The following GALNT13 variants were observed in gnomAD, a reference collection of about 807,000 sequenced individuals.
GALNT13 encodes polypeptide N-acetylgalactosaminyltransferase 13.
A neutral mutation model predicts 64.2 loss-of-function variants in GALNT13; 28 were observed. The observed-to-expected ratio is 0.44, with a 90% CI of 0.32 to 0.60. GALNT13 has a LOEUF of 0.60. GALNT13 is among the 20% of genes least tolerant of loss of function. The pLI, the probability that GALNT13 is intolerant of heterozygous loss-of-function variation, is 0.05. For missense variants in GALNT13, 577 were observed against 669.8 expected (o/e 0.86, Z 1.53); for synonymous variants, 214 against 224.6 (o/e 0.95, Z 0.42).
intron 9 of GALNT13, among the ~76,000 whole-genome samples, chr2:154,327,782 A>T (rs146471654): frequency 1.2e-3 from 176 of 152,216 alleles, no homozygotes; most frequent in African/African-American, 3.9e-3. Context: ...CTAACAATGT[A>T]CTCCTGTACA....
chr2:153,564,205 T>A, the GALNT13 span, among the ~76,000 whole-genome samples: 8 of 151,812 alleles, frequency 5.3e-5, no homozygotes, highest in East Asian at 1.9e-4. Flanking sequence ...TATATATATT[T>A]TTTTTACTAT....
the GALNT13 span, among the ~76,000 whole-genome samples, chr2:153,623,643 A>G: frequency 6.6e-6 from 1 of 152,070 alleles, no homozygotes; most frequent in African/African-American, 2.4e-5. Flanking sequence ...TATAATTATT[A>G]TGGGACTATT....
the GALNT13 span, among the ~76,000 whole-genome samples, chr2:153,447,843 A>G: frequency 6.6e-6 from 1 of 152,116 alleles, no homozygotes; most frequent in Non-Finnish European, 1.5e-5. Flanking sequence ...AAGGCTCTTG[A>G]TATATATTAT....
chr2:154,396,703 C>A (rs1007777122), intron 10 of GALNT13, among the ~76,000 whole-genome samples: 1 of 151,950 alleles, frequency 6.6e-6, no homozygotes, highest in Non-Finnish European at 1.5e-5. Context: ...ACAAGGCAGT[C>A]TATTACAATA....
chr2:153,087,657 C>G, the GALNT13 span, among the ~76,000 whole-genome samples: 2 of 151,890 alleles, frequency 1.3e-5, no homozygotes, highest in African/African-American at 4.8e-5. Context: ...AATTCATCCT[C>G]TATCTGTTCA....
chr2:153,732,609 G>T, the GALNT13 span, among the ~76,000 whole-genome samples: 1 of 152,166 alleles, frequency 6.6e-6, no homozygotes, highest in Non-Finnish European at 1.5e-5. Context: ...AGGTAAAAAT[G>T]TGTCTGTTAT....
chr2:154,144,672 G>A (rs1055193175), intron 4 of GALNT13, among the ~76,000 whole-genome samples: 3 of 151,926 alleles, frequency 2.0e-5, no homozygotes, highest in Non-Finnish European at 4.4e-5. Context: ...TATGTTTGAC[G>A]CTAATATCAA....
At chr2:153,313,507 G>T in the GALNT13 span, among the ~76,000 whole-genome samples, 1 of 151,418 alleles carries the variant, frequency 6.6e-6, no homozygotes, top group Non-Finnish European at 1.5e-5. Context: ...GAGAACAATG[G>T]AAATACAGAG....
At chr2:153,315,872 A>C in the GALNT13 span, among the ~76,000 whole-genome samples, 1 of 152,224 alleles carries the variant, frequency 6.6e-6, no homozygotes, top group African/African-American at 2.4e-5. Flanking sequence ...GGCAAGCTAC[A>C]TACTGGGAAG....
At chr2:153,319,960 G>A in the GALNT13 span, among the ~76,000 whole-genome samples, 7 of 152,004 alleles carry the variant, frequency 4.6e-5, no homozygotes, top group Non-Finnish European at 1.0e-4. Context: ...AAGATGGGGA[G>A]CTGAAAAAAA....
At chr2:153,710,112 C>T in the GALNT13 span, among the ~76,000 whole-genome samples, 1 of 152,024 alleles carries the variant, frequency 6.6e-6, no homozygotes, top group Non-Finnish European at 1.5e-5. Context: ...TTCAAAACTG[C>T]TATGAGAATA....
At chr2:153,674,342 AC>A in the GALNT13 span, among the ~76,000 whole-genome samples, 1 of 152,188 alleles carries the variant, frequency 6.6e-6, no homozygotes, top group African/African-American at 2.4e-5. Flanking sequence ...TGGTACTGGT[AC>A]CAAAACAGAT....
At chr2:154,191,435 C>T (rs1335784418) in intron 4 of GALNT13, among the ~76,000 whole-genome samples, 1 of 152,062 alleles carries the variant, frequency 6.6e-6, no homozygotes, top group African/African-American at 2.4e-5. Context: ...TTGTCATTTT[C>T]GGATGAGATT....
intron 4 of GALNT13, among the ~76,000 whole-genome samples, chr2:154,202,191 A>G (rs1443915987): frequency 1.3e-5 from 2 of 152,136 alleles, no homozygotes; most frequent in Non-Finnish European, 2.9e-5. Context: ...TGGAGTGTCT[A>G]CTGTGGAAAA....
chr2:154,350,749 A>G (rs1696349347), intron 9 of GALNT13, among the ~76,000 whole-genome samples: 2 of 152,198 alleles, frequency 1.3e-5, no homozygotes, highest in African/African-American at 4.8e-5. Flanking sequence ...GGGGGAAGGT[A>G]CAGTAGCCCT....
At chr2:153,946,717 T>A (rs1254778294) in intron 3 of GALNT13, among the ~76,000 whole-genome samples, 1 of 152,218 alleles carries the variant, frequency 6.6e-6, no homozygotes, top group Non-Finnish European at 1.5e-5. Flanking sequence ...TCTCCTAATA[T>A]CACTTTGAAG....
intron 11 of GALNT13, among the ~76,000 whole-genome samples, chr2:154,415,595 C>G (rs1219624552): frequency 6.6e-6 from 1 of 152,108 alleles, no homozygotes; most frequent in East Asian, 1.9e-4. Context: ...TAGGTATGAT[C>G]TACACTTTTA....
the GALNT13 span, among the ~76,000 whole-genome samples, chr2:153,853,462 G>C: frequency 8.9e-3 from 1,357 of 152,116 alleles, 9 homozygotes; most frequent in Middle Eastern, 0.014. Context: ...AGCAACACGT[G>C]AATAAATAAA....
intron 3 of GALNT13, among the ~76,000 whole-genome samples, chr2:154,092,806 G>A (rs1427082255): frequency 6.6e-6 from 1 of 151,938 alleles, no homozygotes; most frequent in Non-Finnish European, 1.5e-5. Flanking sequence ...GAGTGTTCTT[G>A]TGAAGTAAGA....
Sources: allele counts gnomAD v4.1 joint callset (sites outside exome capture counted in the v4.1 genomes callset), GRCh38; gene constraint gnomAD v4.1.1; transcripts MANE v1.5; gene names NCBI Gene and HGNC (gene_info 2026-07-23, HGNC 2026-07-21).